ZNF804B: variants seen among roughly 807,000 people sequenced by gnomAD.
The protein encoded by ZNF804B is zinc finger 804B.
ZNF804B carries 80 observed loss-of-function variants against 101.4 expected under a neutral mutation model. The observed-to-expected ratio is 0.79, with a 90% confidence interval of 0.66 to 0.95. The LOEUF (loss-of-function observed/expected upper bound fraction) is 0.95. Among genes scored for constraint, ZNF804B ranks in the 40% least tolerant of loss-of-function variants. ZNF804B has a pLI of 0.00. For missense variants in ZNF804B, 1,673 were observed against 1,561.9 expected (o/e 1.07, Z -1.20); for synonymous variants, 622 against 558.8 (o/e 1.11, Z -1.59).
chr7:89,336,058 C>G lies in ZNF804B; in HGVS notation c.3076C>G (p.Leu1026Val). The G allele has an allele frequency of 6.2e-7, 1 of 1,613,922 alleles. No individual in the cohort carries two copies. Among genetic ancestry groups the G allele is most frequent in the Non-Finnish European group, 8.5e-7 (1 of 1,179,978 alleles). ...ILADTDCDNH[L>V]SKGIIHLVTE... ...AGCAGACACTGATTGTGATAACCAT[C>G]TTTCTAAAGGTATAATTCACCTAGT... Residue 1026 changes from leucine (L) to valine (V), a missense_variant, in exon 4 of 4, where the codon CTT (leucine) becomes GTT (valine). Leu to Val is a conservative substitution (Grantham distance 32). Transcript: ENST00000333190.
At chr7:88,871,525 A>G (rs1166841095) in intron 1 of ZNF804B, among the ~76,000 whole-genome samples, 1 of 152,186 alleles carries the variant, frequency 6.6e-6, no homozygotes, top group Admixed American at 6.5e-5. Context: ...AATATATACT[A>G]ATAAGAGAAT....
chr7:88,867,278 AG>A (rs1791740758), intron 1 of ZNF804B, among the ~76,000 whole-genome samples: 1 of 152,218 alleles, frequency 6.6e-6, no homozygotes, highest in African/African-American at 2.4e-5. Flanking sequence ...GCTGTCTGCA[AG>A]CTGGAGAACC....
At chr7:88,912,390 A>T (rs12671549) in intron 1 of ZNF804B, among the ~76,000 whole-genome samples, 4 of 151,830 alleles carry the variant, frequency 2.6e-5, no homozygotes, top group African/African-American at 4.8e-5. Context: ...TTAAATTCTT[A>T]GGTTTCTTAA....
intron 1 of ZNF804B, among the ~76,000 whole-genome samples, chr7:88,854,347 GGCTGT>G (rs1353444640): frequency 6.6e-6 from 1 of 151,450 alleles, no homozygotes; most frequent in Non-Finnish European, 1.5e-5. Context: ...TTATTCCAGA[GGCTGT>G]GCTCTTAAGT....
At chr7:88,853,966 T>A (rs1223654410) in intron 1 of ZNF804B, among the ~76,000 whole-genome samples, 6 of 152,172 alleles carry the variant, frequency 3.9e-5, no homozygotes, top group Admixed American at 3.3e-4. Flanking sequence ...TAGCACATTG[T>A]TTAAAAACCA....
At chr7:89,029,292 T>C (rs1788796061) in intron 1 of ZNF804B, among the ~76,000 whole-genome samples, 1 of 152,044 alleles carries the variant, frequency 6.6e-6, no homozygotes, top group Non-Finnish European at 1.5e-5. Context: ...TTACTAGAAA[T>C]GGGGTTTCAC....
chr7:88,869,913 T>A (rs372300642), intron 1 of ZNF804B, among the ~76,000 whole-genome samples: 3 of 152,092 alleles, frequency 2.0e-5, no homozygotes, highest in Non-Finnish European at 4.4e-5. Flanking sequence ...CAGCCAGAGG[T>A]CAGCTGCAGA....
At chr7:89,230,417 C>G in intron 2 of ZNF804B, among the ~76,000 whole-genome samples, 1 of 151,988 alleles carries the variant, frequency 6.6e-6, no homozygotes, top group East Asian at 1.9e-4. Context: ...TCTTAAAAGA[C>G]ACAATCTATC....
intron 1 of ZNF804B, among the ~76,000 whole-genome samples, chr7:89,032,599 T>C (rs1005994934): frequency 2.6e-5 from 4 of 152,188 alleles, no homozygotes; most frequent in South Asian, 2.1e-4. Context: ...CATGAAAATA[T>C]ACATAGAGCT....
At chr7:89,318,588 C>G (rs38955) in intron 2 of ZNF804B, among the ~76,000 whole-genome samples, 16,595 of 152,170 alleles carry the variant, frequency 0.11, 940 homozygotes, top group Non-Finnish European at 0.12. Flanking sequence ...CATGGCGAAA[C>G]CCTGTGTCTA....
intron 1 of ZNF804B, among the ~76,000 whole-genome samples, chr7:89,169,623 G>C (rs1325297028): frequency 6.6e-6 from 1 of 152,088 alleles, no homozygotes; most frequent in East Asian, 1.9e-4. Context: ...ATAGTCTAAG[G>C]TCATTGTTCT....
chr7:88,824,871 C>T lies in ZNF804B; in HGVS notation c.108+64787C>T, dbSNP rs560868100. ...CTTACAATCAGTAGTAATGATCAAACAGGTCTATGAAGGAAGTTTAGAATA... is the reference window on the plus strand; with the variant it reads ...CTTACAATCAGTAGTAATGATCAAATAGGTCTATGAAGGAAGTTTAGAATA... On this transcript the variant is annotated intron_variant, in intron 1 of 3. Transcript: ENST00000333190. Among the ~76,000 whole-genome samples the T allele has an allele frequency of 3.9e-5, 6 of 152,198 alleles. No individual in the cohort carries two copies. The East Asian group carries it at 1.2e-3, about 29-fold the overall frequency.
chr7:89,234,549 TG>T (rs1789249314), intron 2 of ZNF804B, among the ~76,000 whole-genome samples: 1 of 152,164 alleles, frequency 6.6e-6, no homozygotes, highest in Non-Finnish European at 1.5e-5. Flanking sequence ...GCATTGTTTT[TG>T]GGTATGTCAG....
At chr7:88,983,566 G>A (rs534736965) in intron 1 of ZNF804B, among the ~76,000 whole-genome samples, 1 of 152,090 alleles carries the variant, frequency 6.6e-6, no homozygotes, top group African/African-American at 2.4e-5. Flanking sequence ...TTTGCATTGA[G>A]ATGTGCTATA....
At chr7:89,125,013 A>G (rs1238266358) in intron 1 of ZNF804B, among the ~76,000 whole-genome samples, 2 of 149,732 alleles carry the variant, frequency 1.3e-5, no homozygotes, top group Non-Finnish European at 3.0e-5. Flanking sequence ...GAAGAAAAGG[A>G]CTTTGGAGAC....
chr7:88,767,191 C>T (rs2519945), intron 1 of ZNF804B, among the ~76,000 whole-genome samples: 58,966 of 151,964 alleles, frequency 0.39, 12,990 homozygotes, highest in African/African-American at 0.6. Flanking sequence ...CTATTCTGTG[C>T]GCTCTTTCAC....
At chr7:88,781,568 C>T (rs904986996) in intron 1 of ZNF804B, among the ~76,000 whole-genome samples, 2 of 152,180 alleles carry the variant, frequency 1.3e-5, no homozygotes, top group Non-Finnish European at 2.9e-5. Context: ...GGCCAGCAGA[C>T]TATATGCCAA....
Position 89,333,967 on chromosome 7 carries a change from A to G in ZNF804B, c.985A>G (p.Ile329Val). The G allele has an allele frequency of 6.2e-7, 1 of 1,613,560 alleles. No individual in the cohort carries two copies. Among genetic ancestry groups the G allele is most frequent in the Non-Finnish European group, 8.5e-7 (1 of 1,179,732 alleles). Residue 329 changes from isoleucine to valine, a missense_variant, in exon 4 of 4, where the codon ATT becomes GTT. Coordinates refer to ENST00000333190, the MANE Select transcript of ZNF804B (RefSeq NM_181646.5). ...GIHASFSKSN[I>V]HLSDVDFTPT... ...TCATGCTTCATTCTCTAAATCTAAC[A>G]TTCATCTTTCAGATGTAGATTTTAC... is the stretch of plus-strand genomic sequence containing the variant.
intron 1 of ZNF804B, among the ~76,000 whole-genome samples, chr7:89,006,797 C>T (rs1253819915): frequency 1.3e-5 from 2 of 152,108 alleles, no homozygotes; most frequent in African/African-American, 4.8e-5. Flanking sequence ...ACCTGAGCTC[C>T]TCTGCAAATG....
Sources: allele counts gnomAD v4.1 joint callset (sites outside exome capture counted in the v4.1 genomes callset), GRCh38; gene constraint gnomAD v4.1.1; transcripts MANE v1.5; gene names NCBI Gene and HGNC (gene_info 2026-07-23, HGNC 2026-07-21).